The following ZNF432 variants were observed in gnomAD, a reference collection of about 807,000 sequenced individuals.
ZNF432 encodes zinc finger protein 432.
In ZNF432, 10 loss-of-function variants were observed where a neutral mutation model predicts 13.9. That is an observed-to-expected ratio of 0.72 (90% confidence interval 0.44 to 1.22). The LOEUF (loss-of-function observed/expected upper bound fraction) is 1.22, where lower values mean the gene tolerates loss of function less well. Ranked by LOEUF, ZNF432 falls within the 50% of genes most tolerant of loss-of-function variation. The pLI is 0.00. For missense variants in ZNF432, 793 were observed against 796.2 expected (o/e 1.00, Z 0.05); for synonymous variants, 247 against 256.2 (o/e 0.96, Z 0.34).
chr19:52,046,817 T>C (rs756227983), intron 2 of ZNF432, 37 bp downstream of exon 2: 15 of 1,604,528 alleles, frequency 9.3e-6, no homozygotes, highest in African/African-American at 4.0e-5. Context: ...AAATCCACTA[T>C]GGAATAAAGG....
intron 1 of ZNF432, among the ~76,000 whole-genome samples, chr19:52,047,671 C>T (rs1249529311): frequency 1.4e-5 from 1 of 71,866 alleles, no homozygotes; most frequent in African/African-American, 6.4e-5. Context: ...GACTCCATCT[C>T]AAAAAAAAAA....
intron 4 of ZNF432, among the ~76,000 whole-genome samples, chr19:52,039,828 CAA>C (rs562794463): frequency 2.1e-4 from 11 of 52,372 alleles, no homozygotes; most frequent in Admixed American, 3.9e-4. Context: ...GACTCCATCT[CAA>C]AAAAAAAAAA....
Position 52,034,307 on chromosome 19 carries a change from T to C in ZNF432, c.1372A>G (p.Thr458Ala). 1 of 1,609,658 alleles carries C rather than the reference T, an allele frequency of 6.2e-7. No homozygotes were observed. Among genetic ancestry groups the C allele is most frequent in the East Asian group, 2.2e-5 (1 of 44,648 alleles). ...QRTHTGEKPY[T>A]CSECGKGFPL... ...AAGCCTTTCCCACATTCACTGCATG[T>C]GTAGGGCTTCTCTCCTGTATGAGTT... Residue 458 changes from threonine to alanine, a missense_variant, in exon 5 of 5, where the codon ACA becomes GCA. Thr to Ala is a moderately conservative substitution (Grantham distance 58). Transcript: ENST00000221315.
intron 1 of ZNF432, among the ~76,000 whole-genome samples, chr19:52,048,283 A>C (rs1434928926): frequency 6.6e-6 from 1 of 152,152 alleles, no homozygotes; most frequent in East Asian, 1.9e-4. Context: ...TGGAATAGAC[A>C]CACACGTACA....
At chr19:52,048,003 C>T (rs975671991) in intron 1 of ZNF432, among the ~76,000 whole-genome samples, 1 of 151,996 alleles carries the variant, frequency 6.6e-6, no homozygotes, top group Non-Finnish European at 1.5e-5. Context: ...TCTGCAGGTT[C>T]AAGAGCATGG....
intron 4 of ZNF432, among the ~76,000 whole-genome samples, chr19:52,035,818 C>G (rs2087075861): frequency 6.6e-6 from 1 of 152,146 alleles, no homozygotes; most frequent in African/African-American, 2.4e-5. Flanking sequence ...CAGGCATGAG[C>G]TACCACACCT....
intron 2 of ZNF432, among the ~76,000 whole-genome samples, chr19:52,046,118 G>A (rs190741169): frequency 1.2e-4 from 18 of 150,854 alleles, no homozygotes; most frequent in Admixed American, 1.2e-3. Context: ...TGAAAATGCA[G>A]AAGGATATTG....
At chr19:52,040,367 T>C in intron 4 of ZNF432, 121 bp downstream of exon 4, 1 of 842,888 alleles carries the variant, frequency 1.2e-6, no homozygotes, top group Non-Finnish European at 2.0e-6. Context: ...GAAGGGTTTC[T>C]TGTGGAGGGA....
chr19:52,034,966 C>T lies in ZNF432; in HGVS notation c.713G>A (p.Cys238Tyr). 1 of 1,613,046 alleles carries T rather than the reference C, an allele frequency of 6.2e-7. No homozygotes were observed. The highest frequency in any genetic ancestry group is 8.5e-7 in the Non-Finnish European group (1 of 1,179,688). Residue 238 changes from cysteine (C) to tyrosine (Y), a missense_variant, in exon 5 of 5, where the codon TGT (cysteine) becomes TAT (tyrosine). Physicochemically the swap from Cys to Tyr is radical, Grantham distance 194. Coordinates refer to ENST00000221315, the MANE Select transcript of ZNF432 (RefSeq NM_014650.4). ...TGEKPYGCTL[C>Y]AKVFSRKSRL... ...GGACTTTCTGGAGAACACTTTTGCA[C>T]ACAAAGTACATCCATAAGGTTTTTC...
chr19:52,040,682 C>A, intron 3 of ZNF432, 99 bp from the exon 4 acceptor site: 1 of 941,944 alleles, frequency 1.1e-6, no homozygotes, highest in Non-Finnish European at 1.7e-6. Context: ...GTTTTCACAT[C>A]TGAAAGTAGA....
Position 52,035,288 on chromosome 19 carries a change from C to T in ZNF432, c.391G>A (p.Glu131Lys). 3 of 1,609,710 alleles carry T rather than the reference C, an allele frequency of 1.9e-6. No homozygotes were observed. The highest frequency in any genetic ancestry group is 2.5e-6 in the Non-Finnish European group (3 of 1,178,916). ...CLFRENHDTF[E>K]LYIKTLKSNL... ...GATTTCAAAGTTTTTATATATAACTCAAATGTATCATGATTTTCCCTGAAA... is the reference window on the plus strand; with the variant it reads ...GATTTCAAAGTTTTTATATATAACTTAAATGTATCATGATTTTCCCTGAAA... The change falls in exon 5 of 5, where the codon GAG (glutamate) becomes AAG (lysine). Residue 131 changes from glutamate to lysine, a missense_variant. Physicochemically the swap from Glu to Lys is moderately conservative, Grantham distance 56 (BLOSUM62 1). Transcript: ENST00000221315.
chr19:52,043,591 C>A (rs1349429825), intron 2 of ZNF432, among the ~76,000 whole-genome samples: 30 of 151,822 alleles, frequency 2.0e-4, no homozygotes, highest in Admixed American at 1.7e-3. Context: ...AAGAGGAAGG[C>A]ATGCCTCTTG....
In ZNF432 at chr19:52,034,864, ATAGT is replaced by A; in HGVS notation, c.811_814del (p.Thr271Ter). On this transcript the variant is annotated frameshift_variant, in exon 5 of 5. Transcript: ENST00000221315. LOFTEE classifies it low-confidence loss of function (END_TRUNC). ...CTGATGTTCAATCAGACGGCTCTTC[ATAGT>A]GAAGACTTTTCCACATTCACTGCAT... is the stretch of plus-strand genomic sequence containing the variant. 1 of 1,613,942 alleles carries A rather than the reference ATAGT, an allele frequency of 6.2e-7. No individual in the cohort carries two copies. Among genetic ancestry groups the A allele is most frequent in the Non-Finnish European group, 8.5e-7 (1 of 1,179,904 alleles).
chr19:52,042,705 A>G (rs1178811266), intron 2 of ZNF432, among the ~76,000 whole-genome samples: 3 of 152,214 alleles, frequency 2.0e-5, no homozygotes. Context: ...ATTTCCAAAT[A>G]TCTGACTGAG....
chr19:52,046,395 T>C (rs2087183640), intron 2 of ZNF432, among the ~76,000 whole-genome samples: 1 of 152,338 alleles, frequency 6.6e-6, no homozygotes, highest in Admixed American at 6.5e-5. Context: ...TCTATTTCCA[T>C]AGGAGTCTCT....
At chr19:52,040,841 T>A (rs1568522824) in intron 3 of ZNF432, among the ~76,000 whole-genome samples, 1 of 151,886 alleles carries the variant, frequency 6.6e-6, no homozygotes, top group Non-Finnish European at 1.5e-5. Context: ...GTGCAGTGGC[T>A]CTTGCCTATA....
In ZNF432 at chr19:52,032,027, T is replaced by C. The variant is rs1328778017; in HGVS notation, c.*1693A>G. On this transcript the variant is annotated 3_prime_UTR_variant, in exon 5 of 5. Coordinates refer to ENST00000221315, the MANE Select transcript of ZNF432 (RefSeq NM_014650.4). ...ATTATTATGGTTATGTAAGATAACATTGATGATGCTAAGCAAAGAATACTC... is the reference window on the plus strand; with the variant it reads ...ATTATTATGGTTATGTAAGATAACACTGATGATGCTAAGCAAAGAATACTC... 3 of 152,192 alleles carry C rather than the reference T, an allele frequency of 2.0e-5. No individual in the cohort carries two copies. Among genetic ancestry groups the C allele is most frequent in the African/African-American group, 4.8e-5 (2 of 41,450 alleles). 9.4% of individuals were successfully genotyped at this position (152,192 alleles called of 1,614,324 possible).
intron 1 of ZNF432, among the ~76,000 whole-genome samples, chr19:52,047,669 C>T (rs2123165151): frequency 7.5e-6 from 1 of 134,158 alleles, no homozygotes; most frequent in Middle Eastern, 3.8e-3. Flanking sequence ...AAGACTCCAT[C>T]TCAAAAAAAA....
Position 52,034,996 on chromosome 19 carries a change from G to A in ZNF432, c.683C>T (p.Thr228Ile), listed in dbSNP as rs1055182499. 1.2e-6 allele frequency: 2 copies of A among 1,613,890 alleles called. No individual in the cohort carries two copies. The highest frequency in any genetic ancestry group is 3.3e-5 in the Admixed American group (2 of 59,980). Residue 228 changes from threonine to isoleucine, a missense_variant, in exon 5 of 5, where the codon ACA (threonine) becomes ATA (isoleucine). Coordinates refer to ENST00000221315, the MANE Select transcript of ZNF432 (RefSeq NM_014650.4). ...AGTACATCCATAAGGTTTTTCTCCT[G>A]TATGAACTCTCTCATGATCAGTGAG... is the stretch of plus-strand genomic sequence containing the variant. The part of the protein sequence containing the change: ...SQLTDHERVH[T>I]GEKPYGCTLC...
Sources: gnomAD v4.1 joint callset for allele counts (sites outside exome capture counted in the v4.1 genomes callset) on GRCh38, gnomAD v4.1.1 for gene constraint, MANE v1.5 for transcripts, NCBI Gene and HGNC (gene_info 2026-07-23, HGNC 2026-07-21) for gene names.